Variants in WDR70 observed in about 807,000 individuals in gnomAD.
The protein encoded by WDR70 is WD repeat domain 70, also known as WD repeat-containing protein 70.
WDR70 carries 53 observed loss-of-function variants against 88.6 expected under a neutral mutation model. The ratio of observed to expected loss-of-function variants is 0.60; its 90% confidence interval spans 0.48 to 0.75. The LOEUF (loss-of-function observed/expected upper bound fraction) is 0.75, where lower values mean the gene tolerates loss of function less well. Ranked by LOEUF, WDR70 falls within the 30% of genes least tolerant of loss-of-function variation. The probability of loss-of-function intolerance (pLI) is 0.00; values close to 1 mark genes in which losing one functional copy is unlikely to be tolerated. For missense variants in WDR70, 610 were observed against 823.2 expected (o/e 0.74, Z 3.17); for synonymous variants, 280 against 270.0 (o/e 1.04, Z -0.36).
intron 10 of WDR70, among the ~76,000 whole-genome samples, chr5:37,668,144 TC>T (rs1745919694): frequency 6.6e-6 from 1 of 152,202 alleles, no homozygotes; most frequent in Non-Finnish European, 1.5e-5. Flanking sequence ...GGAAGGACTT[TC>T]TTTCTAAATC....
intron 3 of WDR70, among the ~76,000 whole-genome samples, chr5:37,390,784 T>C (rs972461684): frequency 2.0e-5 from 3 of 151,182 alleles, no homozygotes; most frequent in Admixed American, 1.3e-4. Context: ...TGGCGCAATC[T>C]TGGCTCACCA....
intron 3 of WDR70, among the ~76,000 whole-genome samples, chr5:37,384,680 A>G (rs2111855478): frequency 6.6e-6 from 1 of 151,088 alleles, no homozygotes; most frequent in South Asian, 2.1e-4. Flanking sequence ...AAAAAAAAAA[A>G]AAAAAAATTT....
intron 5 of WDR70, among the ~76,000 whole-genome samples, chr5:37,407,195 T>C (rs1378624913): frequency 6.6e-6 from 1 of 151,902 alleles, no homozygotes; most frequent in Admixed American, 6.6e-5. Context: ...GGCCTGAATA[T>C]AAAGAATAGT....
At chr5:37,403,341 T>G (rs896864193) in intron 5 of WDR70, among the ~76,000 whole-genome samples, 5 of 152,232 alleles carry the variant, frequency 3.3e-5, no homozygotes, top group Non-Finnish European at 1.5e-5. Flanking sequence ...TAGGCTTTTA[T>G]TTTGTCACAC....
chr5:37,536,345 TAAAG>T (rs1357515328), intron 9 of WDR70, among the ~76,000 whole-genome samples: 1 of 152,180 alleles, frequency 6.6e-6, no homozygotes. Flanking sequence ...ATTTTTTTCT[TAAAG>T]TATGTTGGAT....
At position 37,631,478 on chromosome 5, in the gene WDR70, A is replaced by G. The variant is rs557851883; in HGVS notation, c.1092+26240A>G. Among the ~76,000 whole-genome samples, 13 of 152,334 alleles carry G rather than the reference A, an allele frequency of 8.5e-5. 1 individual carries two copies. The highest frequency in any genetic ancestry group is 1.3e-4 in the Non-Finnish European group (9 of 68,030). ...AATAATTATTTTAATAACTGCTAAC[A>G]TTGTGTACCCACTGTGTACCAGGAA... On this transcript the variant is annotated intron_variant, in intron 10 of 17. Coordinates refer to ENST00000265107, the MANE Select transcript of WDR70 (RefSeq NM_018034.4).
At chr5:37,648,623 G>C (rs1246251222) in intron 10 of WDR70, among the ~76,000 whole-genome samples, 1 of 146,284 alleles carries the variant, frequency 6.8e-6, no homozygotes, top group Non-Finnish European at 1.5e-5. Context: ...GGAATTTATG[G>C]ATAAAAATTG....
chr5:37,619,315 A>G (rs927114414), intron 10 of WDR70, among the ~76,000 whole-genome samples: 3 of 152,132 alleles, frequency 2.0e-5, no homozygotes, highest in Non-Finnish European at 2.9e-5. Context: ...ACAAAGCACA[A>G]TTAGTCCTCT....
rs144850213 is a variant in WDR70 at position 37,491,508 on chromosome 5, G to A, written c.840+11521G>A. 3.3e-5 allele frequency among the ~76,000 whole-genome samples: 5 copies of A among 152,314 alleles called. No individual in the cohort carries two copies. The East Asian group carries it at 9.6e-4, about 29-fold the overall frequency. The stretch of plus-strand genomic sequence containing the variant: ...TTTATTTTTAAATTACATGACTAAG[G>A]TGGAGAAAGCAGGTTCAGGATACCT... On this transcript the variant is annotated intron_variant, in intron 8 of 17. Coordinates refer to ENST00000265107, the MANE Select transcript of WDR70 (RefSeq NM_018034.4).
intron 7 of WDR70, among the ~76,000 whole-genome samples, chr5:37,455,221 A>ACCTGT (rs918236577): frequency 2.0e-5 from 3 of 148,260 alleles, no homozygotes; most frequent in African/African-American, 7.4e-5. Context: ...TAAGACTATC[A>ACCTGT]CCTGTCCTGA....
intron 9 of WDR70, among the ~76,000 whole-genome samples, chr5:37,594,356 A>G (rs563967263): frequency 6.6e-6 from 1 of 152,270 alleles, no homozygotes; most frequent in South Asian, 2.1e-4. Flanking sequence ...TCAGCTTTCT[A>G]CATATGGCTA....
intron 8 of WDR70, among the ~76,000 whole-genome samples, chr5:37,503,261 T>C (rs1357706077): frequency 6.6e-6 from 1 of 152,170 alleles, no homozygotes; most frequent in East Asian, 1.9e-4. Flanking sequence ...CTTATCTTTT[T>C]TTTTTTAAAC....
intron 5 of WDR70, among the ~76,000 whole-genome samples, chr5:37,405,017 T>G (rs1749310569): frequency 6.6e-6 from 1 of 152,172 alleles, no homozygotes; most frequent in African/African-American, 2.4e-5. Context: ...TGTTTTTATG[T>G]TAGGCTTCCT....
At chr5:37,408,275 C>T (rs1344326373) in intron 5 of WDR70, among the ~76,000 whole-genome samples, 3 of 151,940 alleles carry the variant, frequency 2.0e-5, no homozygotes, top group Non-Finnish European at 4.4e-5. Flanking sequence ...AGTTTGAGAC[C>T]AGCCTGGCCA....
At chr5:37,419,728 T>C (rs1749883418) in intron 5 of WDR70, among the ~76,000 whole-genome samples, 1 of 151,958 alleles carries the variant, frequency 6.6e-6, no homozygotes, top group African/African-American at 2.4e-5. Flanking sequence ...GGCAGGAGAA[T>C]TGCTTGAACC....
At chr5:37,526,881 T>C (rs1263396344) in intron 9 of WDR70, among the ~76,000 whole-genome samples, 1 of 152,140 alleles carries the variant, frequency 6.6e-6, no homozygotes, top group African/African-American at 2.4e-5. Flanking sequence ...CCATTCACAA[T>C]TGCTTCAAAG....
chr5:37,605,354 C>G, intron 10 of WDR70, 116 bp downstream of exon 10: 2 of 1,111,394 alleles, frequency 1.8e-6, no homozygotes, highest in Non-Finnish European at 2.4e-6. Flanking sequence ...GAATTTAGAC[C>G]TAATTTAAAC....
chr5:37,490,694 A>G (rs7727685), intron 8 of WDR70, among the ~76,000 whole-genome samples: 90,575 of 151,666 alleles, frequency 0.6, 28,408 homozygotes, highest in Non-Finnish European at 0.69. Flanking sequence ...TGCCGGGGGT[A>G]GGTGGGCAAG....
chr5:37,432,136 T>A (rs1750324584), intron 5 of WDR70, among the ~76,000 whole-genome samples: 1 of 152,020 alleles, frequency 6.6e-6, no homozygotes, highest in African/African-American at 2.4e-5. Flanking sequence ...CCAAGCTGTT[T>A]TCCGTAGTAG....
Sources: gnomAD v4.1 joint callset for allele counts (sites outside exome capture counted in the v4.1 genomes callset) on GRCh38, gnomAD v4.1.1 for gene constraint, MANE v1.5 for transcripts, NCBI Gene and HGNC (gene_info 2026-07-23, HGNC 2026-07-21) for gene names.